ESRRG: variants seen among roughly 807,000 people sequenced by gnomAD.
ESRRG encodes estrogen-related receptor gamma.
In ESRRG, 13 loss-of-function variants were observed where a neutral mutation model predicts 44.0. That is an observed-to-expected ratio of 0.30 (90% CI 0.19 to 0.47). The LOEUF (loss-of-function observed/expected upper bound fraction) is 0.47. ESRRG is among the 20% of genes least tolerant of loss of function. The pLI is 1.00. For missense variants in ESRRG, 395 were observed against 580.6 expected, an observed-to-expected ratio of 0.68 and a Z score of 3.29; for synonymous variants, 215 against 214.6, an observed-to-expected ratio of 1.00 and a Z score of -0.02.
intron 1 of ESRRG, among the ~76,000 whole-genome samples, chr1:217,022,734 C>G (rs756648067): frequency 6.6e-6 from 1 of 152,096 alleles, no homozygotes; most frequent in Admixed American, 6.5e-5. Context: ...GCAATGTACA[C>G]TTTGTTTTGT....
chr1:217,031,281 C>T (rs1321019906), intron 1 of ESRRG, among the ~76,000 whole-genome samples: 1 of 152,138 alleles, frequency 6.6e-6, no homozygotes, highest in Admixed American at 6.6e-5. Context: ...ACAGTAATAC[C>T]CAAGTCTTCA....
rs1008424603 is a variant in ESRRG at position 216,511,930 on chromosome 1, C to T, written c.1133-4747G>A. 2.0e-5 allele frequency among the ~76,000 whole-genome samples: 3 copies of T among 151,942 alleles called. No homozygotes were observed. In the East Asian group the frequency reaches 5.8e-4, roughly 29 times the overall value. On this transcript the variant is annotated intron_variant, in intron 6 of 6. Transcript: ENST00000408911. The stretch of plus-strand genomic sequence containing the variant: ...GTTTATAATTTTTTTCAATAGGACA[C>T]CAATTATTTACTCTGAAAGCTGCTA...
intron 2 of ESRRG, among the ~76,000 whole-genome samples, chr1:216,856,412 C>T (rs558245490): frequency 7.4e-5 from 11 of 148,706 alleles, no homozygotes; most frequent in Middle Eastern, 3.5e-3. Context: ...AGAAGCGATT[C>T]GAGAGTGAAG....
At chr1:216,912,237 A>G (rs184805848) in intron 2 of ESRRG, among the ~76,000 whole-genome samples, 1,184 of 41,530 alleles carry the variant, frequency 0.029, 95 homozygotes, top group African/African-American at 0.095. Flanking sequence ...AGAGGAGAGG[A>G]GAGGAGAGGA....
intron 1 of ESRRG, among the ~76,000 whole-genome samples, chr1:216,679,214 T>C (rs369423010): frequency 6.6e-6 from 1 of 152,124 alleles, no homozygotes; most frequent in Middle Eastern, 3.2e-3. Flanking sequence ...GAAAAAAATA[T>C]CCCCCTCGCC....
chr1:216,858,594 G>T (rs1173495250), intron 2 of ESRRG, among the ~76,000 whole-genome samples: 2 of 152,180 alleles, frequency 1.3e-5, no homozygotes, highest in African/African-American at 2.4e-5. Flanking sequence ...ATTTGGTAAA[G>T]GGGCCAGGTA....
At chr1:216,970,176 T>C (rs2071351042) in intron 1 of ESRRG, among the ~76,000 whole-genome samples, 1 of 152,104 alleles carries the variant, frequency 6.6e-6, no homozygotes, top group South Asian at 2.1e-4. Context: ...CATGGAAACA[T>C]TACTGAAGCC....
At chr1:216,507,225 T>C (rs779494622) in intron 6 of ESRRG, 42 bp from the exon 7 acceptor site, 2 of 1,410,566 alleles carry the variant, frequency 1.4e-6, no homozygotes, top group Non-Finnish European at 1.9e-6. Context: ...ATAATAATAA[T>C]AGCAAACCTA....
chr1:216,652,367 T>G (rs1421556744), intron 2 of ESRRG, among the ~76,000 whole-genome samples: 2 of 152,188 alleles, frequency 1.3e-5, no homozygotes, highest in Non-Finnish European at 2.9e-5. Flanking sequence ...GTCTCCTCAT[T>G]AAATATCACA....
chr1:216,997,676 G>C (rs2076537963), intron 1 of ESRRG, among the ~76,000 whole-genome samples: 1 of 152,142 alleles, frequency 6.6e-6, no homozygotes, highest in South Asian at 2.1e-4. Context: ...TTCCCACTGA[G>C]GTCATCTTTC....
intron 2 of ESRRG, among the ~76,000 whole-genome samples, chr1:216,903,970 G>A (rs920607117): frequency 6.6e-6 from 1 of 152,118 alleles, no homozygotes; most frequent in Non-Finnish European, 1.5e-5. Flanking sequence ...AAGAGCCTGG[G>A]TTCCCATCTC....
chr1:216,894,408 G>A (rs551982869), intron 2 of ESRRG, among the ~76,000 whole-genome samples: 1 of 152,158 alleles, frequency 6.6e-6, no homozygotes, highest in Non-Finnish European at 1.5e-5. Flanking sequence ...CGAGACAAAC[G>A]CAAAATGAAC....
rs2048741455 is a variant in ESRRG at position 216,529,776 on chromosome 1, CT to C, written c.863-10356del. Among the ~76,000 whole-genome samples the C allele has an allele frequency of 2.6e-5, 4 of 152,134 alleles. No homozygotes were observed. In the South Asian group the frequency reaches 8.3e-4, roughly 32 times the overall value. On this transcript the variant is annotated intron_variant, in intron 5 of 6. Transcript: ENST00000408911. Reference sequence around the variant, plus strand: ...ATATTTTTAAAGGTGAAATGAACTGCTTTTCTTGGGAATATCCCACAATTAA... The same window carrying C: ...ATATTTTTAAAGGTGAAATGAACTGCTTTCTTGGGAATATCCCACAATTAA...
chr1:217,050,893 T>C (rs1223482008), intron 1 of ESRRG, among the ~76,000 whole-genome samples: 1 of 152,004 alleles, frequency 6.6e-6, no homozygotes, highest in Non-Finnish European at 1.5e-5. Flanking sequence ...ATGATAAAAA[T>C]AGTGCTGTTT....
intron 2 of ESRRG, among the ~76,000 whole-genome samples, chr1:216,665,670 T>C (rs2073752174): frequency 6.6e-6 from 1 of 152,122 alleles, no homozygotes; most frequent in Non-Finnish European, 1.5e-5. Context: ...ATTAAAAAAA[T>C]GGTTAAGATG....
intron 1 of ESRRG, among the ~76,000 whole-genome samples, chr1:216,946,991 C>T (rs1305842560): frequency 6.6e-6 from 1 of 152,130 alleles, no homozygotes; most frequent in East Asian, 1.9e-4. Context: ...GCCACCACAC[C>T]CAGCCTGATT....
At chr1:216,678,634 A>C (rs1224131710) in intron 1 of ESRRG, among the ~76,000 whole-genome samples, 1 of 152,176 alleles carries the variant, frequency 6.6e-6, no homozygotes, top group Non-Finnish European at 1.5e-5. Flanking sequence ...AGATGAAAAG[A>C]TATAATTGGT....
chr1:216,629,144 T>A (rs2063683881), intron 3 of ESRRG, among the ~76,000 whole-genome samples: 1 of 152,186 alleles, frequency 6.6e-6, no homozygotes, highest in African/African-American at 2.4e-5. Context: ...TTCAAACTCC[T>A]GTTCACCTAG....
At chr1:216,901,356 T>C (rs985379240) in intron 2 of ESRRG, among the ~76,000 whole-genome samples, 17 of 152,234 alleles carry the variant, frequency 1.1e-4, no homozygotes, top group Middle Eastern at 3.4e-3. Context: ...AGTTATGCCT[T>C]GTCTTTCTGC....
Sources: allele counts gnomAD v4.1 joint callset (sites outside exome capture counted in the v4.1 genomes callset), GRCh38; gene constraint gnomAD v4.1.1; transcripts MANE v1.5; gene names NCBI Gene and HGNC (gene_info 2026-07-23, HGNC 2026-07-21).